CASP6: variants seen among roughly 807,000 people sequenced by gnomAD.
CASP6 encodes the protein caspase 6.
CASP6 carries 20 observed loss-of-function variants against 31.8 expected under a neutral mutation model. The ratio of observed to expected loss-of-function variants is 0.63; its 90% CI spans 0.44 to 0.91. CASP6 has a LOEUF of 0.91. Among genes scored for constraint, CASP6 ranks in the 40% least tolerant of loss-of-function variants. The probability of loss-of-function intolerance (pLI) is 0.00; values close to 1 mark genes in which losing one functional copy is unlikely to be tolerated. For synonymous variants in CASP6, 130 were observed against 127.8 expected, an observed-to-expected ratio of 1.02 and a Z score of -0.12; for missense variants, 328 against 361.1, an observed-to-expected ratio of 0.91 and a Z score of 0.74.
upstream of CASP6, chr4:109,703,522 G>A: frequency 2.4e-6 from 3 of 1,226,964 alleles, no homozygotes; most frequent in Non-Finnish European, 3.4e-6. Flanking sequence ...GGGCCAGTTG[G>A]TTCTGATTGC....
chr4:109,695,063 C>A (rs957718523), intron 4 of CASP6, among the ~76,000 whole-genome samples: 1 of 152,112 alleles, frequency 6.6e-6, no homozygotes, highest in Non-Finnish European at 1.5e-5. Context: ...CTCCTGACCT[C>A]AGGTGATCCA....
At chr4:109,704,638 GCAGGTGCTAACGTAGAAGCTGCAT>G (rs1730542689), upstream of CASP6, among the ~76,000 whole-genome samples, 2 of 152,238 alleles carry the variant, frequency 1.3e-5, no homozygotes, top group Non-Finnish European at 2.9e-5. Flanking sequence ...AGGTGAAGCA[GCAGGTGCTAACGTAGAAGCTGCAT>G]CAGGTTATCC....
intron 1 of CASP6, among the ~76,000 whole-genome samples, chr4:109,699,982 C>T (rs1264043614): frequency 2.6e-5 from 4 of 152,216 alleles, no homozygotes; most frequent in Non-Finnish European, 4.4e-5. Context: ...TTCTGCACAA[C>T]TTGGAAAGCA....
intron 1 of CASP6, among the ~76,000 whole-genome samples, chr4:109,701,083 G>A (rs1036633688): frequency 2.2e-4 from 34 of 151,776 alleles, no homozygotes; most frequent in African/African-American, 3.9e-4. Flanking sequence ...TCAGCCTCCT[G>A]AGTAGCTGGG....
intron 1 of CASP6, among the ~76,000 whole-genome samples, chr4:109,700,986 T>C (rs1007827767): frequency 5.3e-5 from 8 of 152,112 alleles, no homozygotes; most frequent in Non-Finnish European, 4.4e-5. Context: ...TGGGATGGAG[T>C]CTTGCTCTGT....
chr4:109,684,584 A>T, downstream of CASP6: 4 of 1,604,512 alleles, frequency 2.5e-6, no homozygotes, highest in Non-Finnish European at 3.4e-6. Context: ...GGAGCCAGTT[A>T]CATACTTCAT....
At chr4:109,665,976 G>A in the CASP6 span, among the ~76,000 whole-genome samples, 6 of 151,770 alleles carry the variant, frequency 4.0e-5, no homozygotes. Flanking sequence ...GGCAAGAGGG[G>A]AAAGAAGAAG....
chr4:109,691,831 C>T (rs560551905), intron 5 of CASP6, among the ~76,000 whole-genome samples: 2 of 152,270 alleles, frequency 1.3e-5, no homozygotes, highest in South Asian at 4.1e-4. Flanking sequence ...CAGACATGCA[C>T]AGAAGAAAGA....
chr4:109,675,324 G>C, the CASP6 span, among the ~76,000 whole-genome samples: 4 of 152,136 alleles, frequency 2.6e-5, no homozygotes, highest in Non-Finnish European at 5.9e-5. Context: ...CAGGTTCCTC[G>C]GAACCCTCTT....
At chr4:109,699,812 A>G (rs1730363369) in intron 1 of CASP6, among the ~76,000 whole-genome samples, 1 of 152,366 alleles carries the variant, frequency 6.6e-6, no homozygotes, top group Admixed American at 6.5e-5. Context: ...CTATGAAGAC[A>G]GCACAGGGAT....
At chr4:109,678,238 A>G in the CASP6 span, among the ~76,000 whole-genome samples, 1 of 151,868 alleles carries the variant, frequency 6.6e-6, no homozygotes, top group Non-Finnish European at 1.5e-5. Context: ...CACAGTAACA[A>G]TCTGATCTCT....
At chr4:109,705,988 AAAAAAAAAAAAAAAT>A (rs1474430272), upstream of CASP6, among the ~76,000 whole-genome samples, 2 of 68,834 alleles carry the variant, frequency 2.9e-5, no homozygotes, top group African/African-American at 1.6e-4. Flanking sequence ...AAAAAAAAAA[AAAAAAAAAAAAAAAT>A]ATATATATAT....
At chr4:109,671,548 T>C in the CASP6 span, among the ~76,000 whole-genome samples, 1 of 152,166 alleles carries the variant, frequency 6.6e-6, no homozygotes, top group African/African-American at 2.4e-5. Flanking sequence ...TCTGTTACAG[T>C]GGTTTTTATT....
At position 109,690,926 on chromosome 4, in the gene CASP6, T is replaced by TA; in HGVS notation, c.566dup (p.Thr190AsnfsTer2). On this transcript the variant is annotated frameshift_variant, in exon 6 of 7. Transcript: ENST00000265164. LOFTEE classifies it high-confidence loss of function. ...AAACGGAGGCTGCATCCACCTCAGT[T>TA]ATGTTGGTGTCCAACTTCTCTGTCT... is the stretch of plus-strand genomic sequence containing the variant. The TA allele has an allele frequency of 6.2e-7, 1 of 1,613,730 alleles. No homozygotes were observed. The highest frequency in any genetic ancestry group is 8.5e-7 in the Non-Finnish European group (1 of 1,179,798).
the CASP6 span, among the ~76,000 whole-genome samples, chr4:109,678,726 C>A: frequency 7.0e-6 from 1 of 143,654 alleles, no homozygotes. Context: ...CAAGCAGAGG[C>A]GCTCCCCACA....
At chr4:109,706,331 C>A (rs1031980799), upstream of CASP6, among the ~76,000 whole-genome samples, 2 of 151,254 alleles carry the variant, frequency 1.3e-5, no homozygotes, top group South Asian at 4.2e-4. Context: ...GCAGAAGTAG[C>A]AAGACAAATA....
At chr4:109,685,335 C>T (rs1561253829), downstream of CASP6, 1 of 1,568,390 alleles carries the variant, frequency 6.4e-7, no homozygotes, top group East Asian at 2.2e-5. Flanking sequence ...TGATGTGCAG[C>T]AATACAACAA....
At chr4:109,685,290 C>T (rs373684461), downstream of CASP6, 5 of 1,570,768 alleles carry the variant, frequency 3.2e-6, no homozygotes, top group East Asian at 6.7e-5. Context: ...GCAATTTCTT[C>T]AGTTCTTCCA....
the CASP6 span, among the ~76,000 whole-genome samples, chr4:109,676,184 T>C: frequency 6.6e-6 from 1 of 152,224 alleles, no homozygotes; most frequent in South Asian, 2.1e-4. Flanking sequence ...AGAATAGCTG[T>C]AGGAAGTCTA....
Sources: gnomAD v4.1 joint callset for allele counts (sites outside exome capture counted in the v4.1 genomes callset) on GRCh38, gnomAD v4.1.1 for gene constraint, MANE v1.5 for transcripts, NCBI Gene and HGNC (gene_info 2026-07-23, HGNC 2026-07-21) for gene names.